GABRA2: variants seen among roughly 807,000 people sequenced by gnomAD.
GABRA2 encodes the protein gamma-aminobutyric acid type A receptor subunit alpha2.
A neutral mutation model predicts 48.7 loss-of-function variants in GABRA2; 16 were observed. The ratio of observed to expected loss-of-function variants is 0.33; its 90% confidence interval spans 0.22 to 0.50. The LOEUF is 0.50. Ranked by LOEUF, GABRA2 falls within the 20% of genes least tolerant of loss-of-function variation. GABRA2 has a pLI of 0.98. For synonymous variants in GABRA2, 185 were observed against 184.5 expected, an observed-to-expected ratio of 1.00 and a Z score of -0.02; for missense variants, 275 against 535.6, an observed-to-expected ratio of 0.51 and a Z score of 4.80.
chr4:46,257,965 T>C (rs1209698910), intron 9 of GABRA2, among the ~76,000 whole-genome samples: 2 of 151,804 alleles, frequency 1.3e-5, no homozygotes, highest in African/African-American at 2.4e-5. Flanking sequence ...AGTGGAAAGA[T>C]ATAAAATCTA....
At chr4:46,263,231 A>C (rs1237879727) in intron 8 of GABRA2, among the ~76,000 whole-genome samples, 6 of 152,134 alleles carry the variant, frequency 3.9e-5, no homozygotes, top group African/African-American at 1.4e-4. Flanking sequence ...TAAAACTTTA[A>C]AAAATTGATA....
intron 9 of GABRA2, among the ~76,000 whole-genome samples, chr4:46,257,015 A>G (rs918945768): frequency 1.3e-5 from 2 of 151,680 alleles, no homozygotes; most frequent in African/African-American, 4.8e-5. Context: ...TAAAGTAAAT[A>G]CATTTTTTTA....
Position 46,390,015 on chromosome 4 carries a change from G to A in GABRA2, c.-291C>T, listed in dbSNP as rs1718045858. On this transcript the variant is annotated 5_prime_UTR_variant, in exon 1 of 10. Transcript: ENST00000381620. ...CGGAGGAGGAGGAAGAGGAGGAGGA[G>A]GAAGAGGAGGAGGGGGAAAACGATG... 1.1e-6 allele frequency: 1 copy of A among 948,592 alleles called. No individual in the cohort carries two copies. Among genetic ancestry groups the A allele is most frequent in the Non-Finnish European group, 1.2e-6 (1 of 805,040 alleles). The allele number at this position is 948,592 out of a possible 1,614,324, so 58.8% of individuals were successfully genotyped here.
At chr4:46,388,867 T>A in intron 1 of GABRA2, 151 bp from the exon 2 acceptor site, 1 of 1,357,846 alleles carries the variant, frequency 7.4e-7, no homozygotes, top group South Asian at 2.0e-5. Flanking sequence ...ACTTGATGAT[T>A]GAGAGACGAT....
At position 46,278,062 on chromosome 4, in the gene GABRA2, T is replaced by C. The variant is rs75402152; in HGVS notation, c.857-15934A>G. ...ATAAAAAATGTAAGAAGTAGTTTTG[T>C]ATACAAATATGGAAAGTAGTTGAAA... On this transcript the variant is annotated intron_variant, in intron 8 of 9. Transcript: ENST00000381620. Among the ~76,000 whole-genome samples the C allele has an allele frequency of 7.5e-3, 1,143 of 152,280 alleles. 15 individuals are homozygous for C. The highest frequency in any genetic ancestry group is 0.026 in the African/African-American group (1,077 of 41,560).
intron 3 of GABRA2, among the ~76,000 whole-genome samples, chr4:46,372,482 G>A (rs1288136936): frequency 1.3e-5 from 2 of 151,942 alleles, no homozygotes; most frequent in Admixed American, 1.3e-4. Flanking sequence ...CACTAAGGAA[G>A]GTGATTAAAA....
intron 8 of GABRA2, among the ~76,000 whole-genome samples, chr4:46,281,539 T>C (rs1721534899): frequency 6.6e-6 from 1 of 152,276 alleles, no homozygotes; most frequent in Middle Eastern, 3.4e-3. Context: ...TCCAAGACAT[T>C]GCATTTCTCA....
intron 6 of GABRA2, among the ~76,000 whole-genome samples, chr4:46,309,467 C>T (rs1425199737): frequency 6.6e-6 from 1 of 152,062 alleles, no homozygotes; most frequent in African/African-American, 2.4e-5. Context: ...AGGGAGGCTG[C>T]TCAGCTGTGT....
At chr4:46,309,115 G>C (rs1727192550) in intron 6 of GABRA2, among the ~76,000 whole-genome samples, 1 of 152,112 alleles carries the variant, frequency 6.6e-6, no homozygotes, top group Non-Finnish European at 1.5e-5. Flanking sequence ...AGAAGCCTTT[G>C]TAGTTAAATA....
chr4:46,316,454 A>T (rs115564718), intron 4 of GABRA2, among the ~76,000 whole-genome samples: 132 of 152,162 alleles, frequency 8.7e-4, no homozygotes, highest in Middle Eastern at 6.8e-3. Context: ...GGCAGCTGAC[A>T]GCTTCTTTCC....
At position 46,305,614 on chromosome 4, in the gene GABRA2, G is replaced by A. The variant is rs141083965; in HGVS notation, c.657C>T (p.Asp219=). The part of the protein sequence containing the change: ...APDGSRLNQY[D]LLGQSIGKET... ...CCTTTCCGATTGATTGGCCCAGCAG[G>A]TCATATTGATTTAACCTAGAGCCAT... Residue 219 remains aspartate, a synonymous_variant, in exon 7 of 10, where the codon GAC becomes GAT. Transcript: ENST00000381620. 6.2e-7 allele frequency: 1 copy of A among 1,613,868 alleles called. No individual in the cohort carries two copies. The highest frequency in any genetic ancestry group is 1.3e-5 in the African/African-American group (1 of 74,990).
chr4:46,260,346 C>T (rs1716703995), intron 9 of GABRA2, among the ~76,000 whole-genome samples: 1 of 151,824 alleles, frequency 6.6e-6, no homozygotes, highest in Non-Finnish European at 1.5e-5. Context: ...TGTAATTTGG[C>T]ATATGGATAG....
At chr4:46,299,511 C>T (rs114593918) in intron 8 of GABRA2, among the ~76,000 whole-genome samples, 2,380 of 151,702 alleles carry the variant, frequency 0.016, 66 homozygotes, top group African/African-American at 0.055. Flanking sequence ...GGCATAGTCT[C>T]TAAGCAAACT....
At chr4:46,378,456 G>C in intron 3 of GABRA2, among the ~76,000 whole-genome samples, 1 of 151,914 alleles carries the variant, frequency 6.6e-6, no homozygotes, top group Non-Finnish European at 1.5e-5. Flanking sequence ...GATGCTTGAA[G>C]GCAGCATGCT....
rs1182852096 is a variant in GABRA2 at position 46,322,163 on chromosome 4, A to G, written c.256-9447T>C. 2.0e-5 allele frequency among the ~76,000 whole-genome samples: 3 copies of G among 151,762 alleles called. No homozygotes were observed. The East Asian group carries it at 5.8e-4, about 30-fold the overall frequency. On this transcript the variant is annotated intron_variant, in intron 4 of 9. Coordinates refer to ENST00000381620, the MANE Select transcript of GABRA2 (RefSeq NM_000807.4). ...GTAGATCTTGGCCTGTCTCCACAGT[A>G]TATCCCTTACCTGTGAAAAAGGCAT... is the stretch of plus-strand genomic sequence containing the variant.
intron 4 of GABRA2, among the ~76,000 whole-genome samples, chr4:46,314,065 T>C (rs1421591436): frequency 1.3e-5 from 2 of 152,104 alleles, no homozygotes; most frequent in Non-Finnish European, 2.9e-5. Flanking sequence ...GAATATTCTA[T>C]AACCTAGTGA....
chr4:46,275,808 C>T (rs1369579165), intron 8 of GABRA2, among the ~76,000 whole-genome samples: 2 of 152,018 alleles, frequency 1.3e-5, no homozygotes, highest in African/African-American at 2.4e-5. Context: ...ATAAATAGTA[C>T]ATCATTAGAG....
intron 4 of GABRA2, among the ~76,000 whole-genome samples, chr4:46,330,591 T>TATATATATATATATAGAGAGAGAGAG (rs1411755120): frequency 8.2e-6 from 1 of 122,690 alleles, no homozygotes; most frequent in Admixed American, 9.5e-5. Flanking sequence ...TATATATATA[T>TATATATATATATATAGAGAGAGAGAG]AGAGAGAGAG....
intron 8 of GABRA2, among the ~76,000 whole-genome samples, chr4:46,267,903 G>A (rs967097665): frequency 1.3e-5 from 2 of 151,852 alleles, no homozygotes; most frequent in Non-Finnish European, 2.9e-5. Context: ...TCAGATTATG[G>A]ATGCTGTTTC....
Sources: allele counts gnomAD v4.1 joint callset (sites outside exome capture counted in the v4.1 genomes callset), GRCh38; gene constraint gnomAD v4.1.1; transcripts MANE v1.5; gene names NCBI Gene and HGNC (gene_info 2026-07-23, HGNC 2026-07-21).